OR11A1: variants seen among roughly 807,000 people sequenced by gnomAD.
The protein encoded by OR11A1 is olfactory receptor family 11 subfamily A member 1, also known as olfactory receptor 11A1.
For synonymous variants in OR11A1, 158 were observed against 152.2 expected (o/e 1.04, Z -0.28); for missense variants, 380 against 378.2 (o/e 1.00, Z -0.04).
intron 4 of OR11A1, 86 bp from the exon 5 acceptor site, chr6:29,427,818 G>T: frequency 2.0e-6 from 2 of 997,086 alleles, no homozygotes; most frequent in African/African-American, 1.6e-5. Flanking sequence ...CCCCTTCTTA[G>T]TTGTCATTCC....
At position 29,431,959 on chromosome 6, in the gene OR11A1, C is replaced by T. The variant is rs930314530; in HGVS notation, c.-360G>A. The T allele has an allele frequency of 1.0e-6, 1 of 985,232 alleles. No homozygotes were observed. The highest frequency in any genetic ancestry group is 1.7e-5 in the African/African-American group (1 of 57,206). The allele number at this position is 985,232 out of a possible 1,614,324, so 61.0% of individuals were successfully genotyped here. A position where few individuals can be genotyped will look rare whatever the true frequency, so the allele number is the denominator to read the frequency against. On this transcript the variant is annotated 5_prime_UTR_variant, in exon 2 of 5. Transcript: ENST00000377149. Reference sequence around the variant, plus strand: ...ACTTCAGAATGTTGGAATTTCCTACCTTCAGCTCCCTCCCTGCTTGAGCTC... The same window carrying T: ...ACTTCAGAATGTTGGAATTTCCTACTTTCAGCTCCCTCCCTGCTTGAGCTC...
At chr6:29,451,829 C>G (rs1785424273) in intron 1 of OR11A1, among the ~76,000 whole-genome samples, 1 of 152,166 alleles carries the variant, frequency 6.6e-6, no homozygotes, top group African/African-American at 2.4e-5. Context: ...ACCCAGCAAT[C>G]TCATTACTGG....
chr6:29,443,871 T>G (rs975473838), intron 1 of OR11A1, among the ~76,000 whole-genome samples: 6 of 152,076 alleles, frequency 3.9e-5, no homozygotes, highest in African/African-American at 1.4e-4. Flanking sequence ...CTATTCTACC[T>G]TTTTCTTTGT....
At chr6:29,430,679 G>T (rs1266847549) in intron 2 of OR11A1, among the ~76,000 whole-genome samples, 1 of 152,112 alleles carries the variant, frequency 6.6e-6, no homozygotes, top group East Asian at 1.9e-4. Flanking sequence ...GGTGGGAAGG[G>T]GTGAGGGATG....
intron 1 of OR11A1, among the ~76,000 whole-genome samples, chr6:29,456,684 C>A (rs1254114697): frequency 6.6e-6 from 1 of 152,066 alleles, no homozygotes; most frequent in Non-Finnish European, 1.5e-5. Flanking sequence ...CAGATTGATT[C>A]ACAACAGCAA....
chr6:29,439,689 G>C (rs527534566), intron 1 of OR11A1: 34 of 367,596 alleles, frequency 9.2e-5, no homozygotes, highest in African/African-American at 7.0e-4. Context: ...AAGGGAGCTA[G>C]ACTGACTTAA....
chr6:29,440,340 A>G, intron 1 of OR11A1: 1 of 1,614,080 alleles, frequency 6.2e-7, no homozygotes, highest in Non-Finnish European at 8.5e-7. Flanking sequence ...CTTTGGCGCC[A>G]CGGAGTGCTG....
rs1462870925 is a variant in OR11A1 at position 29,427,523 on chromosome 6, A to G, written c.119T>C (p.Ile40Thr). The change falls in exon 5 of 5, where the codon ATC (isoleucine) becomes ACC (threonine). Residue 40 changes from isoleucine to threonine, a missense_variant. Coordinates refer to ENST00000377149, the MANE Select transcript of OR11A1 (RefSeq NM_001394828.1). ...AATAATCAGCATATTCCCTATGATG[A>G]TGAAGACATAGACAGCAGTGAATAC... ...FIVFTAVYVF[I>T]IIGNMLIIVA... is the part of the protein sequence containing the mutation. 6.2e-7 allele frequency: 1 copy of G among 1,613,100 alleles called. No homozygotes were observed. Among genetic ancestry groups the G allele is most frequent in the Non-Finnish European group, 8.5e-7 (1 of 1,180,022 alleles).
chr6:29,435,256 A>C (rs1783541580), intron 1 of OR11A1, among the ~76,000 whole-genome samples: 1 of 152,220 alleles, frequency 6.6e-6, no homozygotes, highest in African/African-American at 2.4e-5. Context: ...AGCAGCTTGA[A>C]GGCACAGAAA....
Position 29,427,220 on chromosome 6 carries a change from C to A in OR11A1, c.422G>T (p.Arg141Leu). The A allele has an allele frequency of 4.3e-6, 7 of 1,613,100 alleles. No homozygotes were observed. The highest frequency in any genetic ancestry group is 1.1e-5 in the South Asian group (1 of 91,076). The change falls in exon 5 of 5, where the codon CGG becomes CTG. Residue 141 changes from arginine (R) to leucine (L), a missense_variant. Arg to Leu is a moderately radical substitution (Grantham distance 102, BLOSUM62 -2). Coordinates refer to ENST00000377149, the MANE Select transcript of OR11A1 (RefSeq NM_001394828.1). ...GGTTGTGACCACCAGCCCCATGTAC[C>A]GTCTGGGCCCCATCAGGAGTGGGTA... ...LHYPLLMGPR[R>L]YMGLVVTTWL... is the part of the protein sequence containing the mutation.
chr6:29,428,592 A>G (rs1341755739), intron 4 of OR11A1: 3 of 163,814 alleles, frequency 1.8e-5, no homozygotes, highest in Non-Finnish European at 3.8e-5. Flanking sequence ...CGTCTCTACT[A>G]AAAATACAAA....
chr6:29,427,273 G>C lies in OR11A1; in HGVS notation c.369C>G (p.Arg123=), dbSNP rs1400805217. ...GGAGTGGGTAGCAAATTGCCAGGTA[G>C]CGGTCATATGCCATGACAGCCAGCA... The part of the protein sequence containing the change: ...CLLLAVMAYD[R]YLAICYPLHY... Residue 123 remains arginine, a synonymous_variant, in exon 5 of 5, where the codon CGC becomes CGG. Transcript: ENST00000377149. 26 of 1,612,948 alleles carry C rather than the reference G, an allele frequency of 1.6e-5. No individual in the cohort carries two copies. Among genetic ancestry groups the C allele is most frequent in the Non-Finnish European group, 2.2e-5 (26 of 1,180,048 alleles).
At chr6:29,429,073 T>C (rs1276781366) in intron 3 of OR11A1, 113 bp from the exon 4 acceptor site, 2 of 172,564 alleles carry the variant, frequency 1.2e-5, no homozygotes, top group Admixed American at 6.5e-5. Flanking sequence ...ACAGTGTTAC[T>C]TTCTAGAATA....
In OR11A1 at chr6:29,426,747, G is replaced by GCA; in HGVS notation, c.893_894dup (p.His299CysfsTer22). 1 of 1,612,908 alleles carries GCA rather than the reference G, an allele frequency of 6.2e-7. No homozygotes were observed. The highest frequency in any genetic ancestry group is 8.5e-7 in the Non-Finnish European group (1 of 1,179,964). ...CAGAGAATCTTCCGAAGTGCCTGATGCACCTCCTTGTTCCTCATGGTATAG... is the reference window on the plus strand; with the variant it reads ...CAGAGAATCTTCCGAAGTGCCTGATGCACACCTCCTTGTTCCTCATGGTATAG... On this transcript the variant is annotated frameshift_variant, in exon 5 of 5. Coordinates refer to ENST00000377149, the MANE Select transcript of OR11A1 (RefSeq NM_001394828.1). LOFTEE classifies it low-confidence loss of function (END_TRUNC).
chr6:29,427,771 C>T, intron 4 of OR11A1, 39 bp from the exon 5 acceptor site: 1 of 1,401,362 alleles, frequency 7.1e-7, no homozygotes. Flanking sequence ...AAATGAGTCT[C>T]TAAAACAAGA....
At chr6:29,433,963 C>T (rs927980756) in intron 1 of OR11A1, among the ~76,000 whole-genome samples, 2 of 151,930 alleles carry the variant, frequency 1.3e-5, no homozygotes, top group South Asian at 2.1e-4. Flanking sequence ...GTCATTTGTA[C>T]GTCTTCTTTT....
intron 1 of OR11A1, among the ~76,000 whole-genome samples, chr6:29,437,526 G>C (rs1783729891): frequency 7.0e-6 from 1 of 142,780 alleles, no homozygotes; most frequent in African/African-American, 2.9e-5. Context: ...GATGACGTAG[G>C]ATCCAGTCAA....
intron 1 of OR11A1, among the ~76,000 whole-genome samples, chr6:29,433,006 A>C (rs760263671): frequency 7.2e-5 from 11 of 152,196 alleles, no homozygotes; most frequent in Non-Finnish European, 8.8e-5. Context: ...TTGAAAAGAA[A>C]ACTTTTGGAA....
intron 1 of OR11A1, among the ~76,000 whole-genome samples, chr6:29,455,874 CAAA>C (rs9256960): frequency 1.2e-5 from 1 of 81,008 alleles, no homozygotes. Context: ...AGACTTGTCT[CAAA>C]AAAAAAAAAA....
Sources: allele counts gnomAD v4.1 joint callset (sites outside exome capture counted in the v4.1 genomes callset), GRCh38; gene constraint gnomAD v4.1.1; transcripts MANE v1.5; gene names NCBI Gene and HGNC (gene_info 2026-07-23, HGNC 2026-07-21).